The following KLHL29 variants were observed in gnomAD, a reference collection of about 807,000 sequenced individuals.
KLHL29 encodes the protein kelch like family member 29, also known as kelch-like protein 29.
Under a neutral mutation model 80.4 loss-of-function variants are expected in KLHL29, and 21 were observed. The ratio of observed to expected loss-of-function variants is 0.26; its 90% CI spans 0.19 to 0.38. The LOEUF is 0.38. Ranked by LOEUF, KLHL29 falls within the 10% of genes least tolerant of loss-of-function variation. The pLI is 1.00. For synonymous variants in KLHL29, 511 were observed against 526.8 expected, an observed-to-expected ratio of 0.97 and a Z score of 0.41; for missense variants, 867 against 1,223.9, an observed-to-expected ratio of 0.71 and a Z score of 4.35.
intron 5 of KLHL29, among the ~76,000 whole-genome samples, chr2:23,678,088 C>G (rs1670972114): frequency 6.6e-6 from 1 of 152,176 alleles, no homozygotes; most frequent in South Asian, 2.1e-4. Flanking sequence ...ATAGGCCAGC[C>G]AGAACGAGCC....
intron 6 of KLHL29, among the ~76,000 whole-genome samples, chr2:23,686,105 G>T (rs1386077565): frequency 6.6e-6 from 1 of 151,916 alleles, no homozygotes; most frequent in Non-Finnish European, 1.5e-5. Context: ...GAAGAGGGAG[G>T]AAGAGCATTC....
chr2:23,690,273 C>G (rs1259936238), intron 6 of KLHL29: 1 of 152,254 alleles, frequency 6.6e-6, no homozygotes, highest in Non-Finnish European at 1.5e-5. Flanking sequence ...CAAGGGAATT[C>G]AGACCTCATC....
chr2:23,625,731 A>G (rs1347107492), intron 3 of KLHL29, among the ~76,000 whole-genome samples: 1 of 152,242 alleles, frequency 6.6e-6, no homozygotes, highest in African/African-American at 2.4e-5. Context: ...TGCCCCCAGC[A>G]AATTCACAGG....
At chr2:23,496,968 C>G (rs751686147) in intron 2 of KLHL29, among the ~76,000 whole-genome samples, 3 of 151,774 alleles carry the variant, frequency 2.0e-5, no homozygotes, top group African/African-American at 7.3e-5. Context: ...CTGTCAAAAG[C>G]GCATGAAATC....
rs570395767 is a variant in KLHL29, at chr2:23,620,626, GAC to G, written c.286-18507_286-18506del. Among the ~76,000 whole-genome samples the G allele has an allele frequency of 5.5e-3, 839 of 152,288 alleles. 6 individuals are homozygous for G. The highest frequency in any genetic ancestry group is 0.01 in the Middle Eastern group (3 of 294). Reference sequence around the variant, plus strand: ...AGGGAGAGAGCAGAGGCCAGTCCGGGACACACAGAGTGTGAAGTGCAGGCAGG... The same window carrying G: ...AGGGAGAGAGCAGAGGCCAGTCCGGGACACAGAGTGTGAAGTGCAGGCAGG... On this transcript the variant is annotated intron_variant, in intron 3 of 13. Coordinates refer to ENST00000486442, the MANE Select transcript of KLHL29 (RefSeq NM_052920.2).
chr2:23,440,370 A>G (rs1014775497), intron 1 of KLHL29, among the ~76,000 whole-genome samples: 1 of 151,834 alleles, frequency 6.6e-6, no homozygotes, highest in Non-Finnish European at 1.5e-5. Context: ...AAAACCATAA[A>G]AACTCTATAA....
intron 5 of KLHL29, among the ~76,000 whole-genome samples, chr2:23,655,818 AACTG>A (rs1670229135): frequency 6.6e-6 from 1 of 151,670 alleles, no homozygotes; most frequent in Non-Finnish European, 1.5e-5. Context: ...GTAGACCTGG[AACTG>A]ACTGAGCAGA....
intron 2 of KLHL29, among the ~76,000 whole-genome samples, chr2:23,515,297 C>T (rs1665888101): frequency 6.6e-6 from 1 of 152,184 alleles, no homozygotes; most frequent in Admixed American, 6.5e-5. Flanking sequence ...GACCCCCACT[C>T]CCACAACCTC....
intron 2 of KLHL29, among the ~76,000 whole-genome samples, chr2:23,529,111 T>C (rs1419726900): frequency 6.6e-6 from 1 of 152,236 alleles, no homozygotes. Context: ...AGCCCCTTTT[T>C]ACTAATTTTT....
At chr2:23,702,641 T>C (rs1038497696) in intron 11 of KLHL29, among the ~76,000 whole-genome samples, 8 of 152,198 alleles carry the variant, frequency 5.3e-5, no homozygotes, top group African/African-American at 1.9e-4. Flanking sequence ...TAATATGACC[T>C]ATTGGAGCTG....
Position 23,695,840 on chromosome 2 carries a change from C to A in KLHL29, c.1741+19C>A, listed in dbSNP as rs759485626. ...TCTGCAGGTATGAAGGGGCACGCCC[C>A]GAACCTCCCAAGAAGCAGTGTCTTG... is the stretch of plus-strand genomic sequence containing the variant. On this transcript the variant is annotated intron_variant, in intron 9 of 13. Transcript: ENST00000486442. The surrounding 1 kb of genome is among the most constrained non-coding windows in gnomAD (Gnocchi z 7.6). 1.9e-6 allele frequency: 3 copies of A among 1,542,290 alleles called. No individual in the cohort carries two copies. In the Admixed American group the frequency reaches 6.0e-5, roughly 31 times the overall value.
chr2:23,687,629 G>A (rs1393756093), intron 6 of KLHL29, among the ~76,000 whole-genome samples: 1 of 152,226 alleles, frequency 6.6e-6, no homozygotes, highest in Non-Finnish European at 1.5e-5. Flanking sequence ...GAGACTTGTG[G>A]TCCAAGGGCC....
chr2:23,395,785 A>G (rs1271573215), intron 1 of KLHL29, among the ~76,000 whole-genome samples: 2 of 151,740 alleles, frequency 1.3e-5, no homozygotes, highest in East Asian at 1.9e-4. Context: ...CTCCGATTGC[A>G]TTCAACACTG....
intron 3 of KLHL29, among the ~76,000 whole-genome samples, chr2:23,611,494 C>T (rs1217617151): frequency 2.0e-5 from 3 of 152,132 alleles, no homozygotes; most frequent in Non-Finnish European, 2.9e-5. Flanking sequence ...AAGGTGATCC[C>T]GTATTACTAG....
chr2:23,389,835 TAGTC>T (rs746584174), intron 1 of KLHL29, among the ~76,000 whole-genome samples: 2 of 152,108 alleles, frequency 1.3e-5, no homozygotes, highest in South Asian at 2.1e-4. Context: ...GTGTAGAAGA[TAGTC>T]AGTTTTTATT....
chr2:23,480,235 C>G (rs914398468), intron 2 of KLHL29, among the ~76,000 whole-genome samples: 1 of 152,198 alleles, frequency 6.6e-6, no homozygotes, highest in Non-Finnish European at 1.5e-5. Context: ...GCCTGTAATC[C>G]CAGCACTTTG....
intron 2 of KLHL29, among the ~76,000 whole-genome samples, chr2:23,502,111 C>T (rs1665464500): frequency 1.3e-5 from 2 of 152,102 alleles, no homozygotes; most frequent in South Asian, 4.2e-4. Flanking sequence ...CTGGCTCAGA[C>T]CGGGAGGTTT....
intron 3 of KLHL29, among the ~76,000 whole-genome samples, chr2:23,577,248 G>A (rs1255049551): frequency 1.3e-5 from 2 of 152,098 alleles, no homozygotes; most frequent in African/African-American, 2.4e-5. Flanking sequence ...TCAGGAGTTC[G>A]AGACCAGCCT....
intron 3 of KLHL29, among the ~76,000 whole-genome samples, chr2:23,611,049 G>A (rs1463007108): frequency 6.6e-6 from 1 of 151,966 alleles, no homozygotes; most frequent in Non-Finnish European, 1.5e-5. Flanking sequence ...AATAAGTGCT[G>A]GCGAGTTCCA....
Sources: gnomAD v4.1 joint callset for allele counts (sites outside exome capture counted in the v4.1 genomes callset) on GRCh38, gnomAD v4.1.1 for gene constraint, Gnocchi (gnomAD v3.1) non-coding constraint, MANE v1.5 for transcripts, NCBI Gene and HGNC (gene_info 2026-07-23, HGNC 2026-07-21) for gene names.